Variants in AGPS observed in about 807,000 individuals in gnomAD.
AGPS encodes alkylglycerone phosphate synthase.
In AGPS, 26 loss-of-function variants were observed where a neutral mutation model predicts 90.7. That is an observed-to-expected ratio of 0.29 (90% CI 0.21 to 0.40). The LOEUF (loss-of-function observed/expected upper bound fraction) is 0.40, where lower values mean the gene tolerates loss of function less well. Ranked by LOEUF, AGPS falls within the 10% of genes least tolerant of loss-of-function variation. The pLI, the probability that AGPS is intolerant of heterozygous loss-of-function variation, is 1.00. For missense variants in AGPS, 540 were observed against 816.1 expected (o/e 0.66, Z 4.12); for synonymous variants, 294 against 285.3 (o/e 1.03, Z -0.31).
At chr2:177,415,269 C>T (rs1050253510) in intron 1 of AGPS, among the ~76,000 whole-genome samples, 1 of 152,128 alleles carries the variant, frequency 6.6e-6, no homozygotes, top group African/African-American at 2.4e-5. Context: ...AATGTGTTCC[C>T]TTATGGAATT....
At chr2:177,523,616 A>C in intron 18 of AGPS, 132 bp from the exon 19 acceptor site, 1 of 759,544 alleles carries the variant, frequency 1.3e-6, no homozygotes, top group Non-Finnish European at 2.3e-6. Flanking sequence ...TGACCAAAAG[A>C]GAGGAAAGTT....
intron 9 of AGPS, among the ~76,000 whole-genome samples, chr2:177,464,415 G>GTC (rs1038591793): frequency 9.2e-5 from 14 of 152,058 alleles, no homozygotes; most frequent in Non-Finnish European, 1.8e-4. Flanking sequence ...AATATATTTC[G>GTC]TAACATTAGT....
At position 177,521,285 on chromosome 2, in the gene AGPS, G is replaced by A; in HGVS notation, c.1714G>A (p.Asp572Asn). 1.2e-6 allele frequency: 2 copies of A among 1,614,068 alleles called. No homozygotes were observed. Among genetic ancestry groups the A allele is most frequent in the Non-Finnish European group, 1.7e-6 (2 of 1,179,946 alleles). The change falls in exon 18 of 20, where the codon GAT becomes AAT. Residue 572 changes from aspartate (D) to asparagine (N), a missense_variant. This residue lies in a region of AGPS where 405 missense variants were observed against 692.1 expected (regional missense o/e 0.59). Coordinates refer to ENST00000264167, the MANE Select transcript of AGPS (RefSeq NM_003659.4). ...GTTTTTTAGGGTGACGCAGACTTAC[G>A]ATGCAGGTGCTTGTATCTACTTCTA... ...FSTCRVTQTY[D>N]AGACIYFYFA...
intron 10 of AGPS, among the ~76,000 whole-genome samples, chr2:177,468,889 C>T (rs1687532698): frequency 6.6e-6 from 1 of 151,956 alleles, no homozygotes; most frequent in Non-Finnish European, 1.5e-5. Flanking sequence ...AAAGCATTAT[C>T]TTATTGTCTT....
At chr2:177,437,639 C>T (rs1318813343) in intron 5 of AGPS, among the ~76,000 whole-genome samples, 3 of 152,102 alleles carry the variant, frequency 2.0e-5, no homozygotes, top group Non-Finnish European at 2.9e-5. Flanking sequence ...TCTCTTTTAG[C>T]AGGTAATTTA....
At chr2:177,424,924 G>A (rs559934871) in intron 2 of AGPS, among the ~76,000 whole-genome samples, 25 of 152,114 alleles carry the variant, frequency 1.6e-4, no homozygotes, top group African/African-American at 5.8e-4. Context: ...TTTTAATGGG[G>A]TTGGTTTTTT....
chr2:177,452,533 A>T (rs992315605), intron 8 of AGPS, among the ~76,000 whole-genome samples: 1 of 151,872 alleles, frequency 6.6e-6, no homozygotes, highest in Non-Finnish European at 1.5e-5. Flanking sequence ...TGCTTTTTCC[A>T]TTATTTTACT....
chr2:177,392,791 T>TGGCGGA lies in AGPS; in HGVS notation c.8_13dup (p.Glu3_Ala4dup). 12 of 1,495,394 alleles carry TGGCGGA rather than the reference T, an allele frequency of 8.0e-6. No individual in the cohort carries two copies. Among genetic ancestry groups the TGGCGGA allele is most frequent in the East Asian group, 2.5e-5 (1 of 39,382 alleles). The allele number at this position is 1,495,394 out of a possible 1,614,324, so 92.6% of individuals were successfully genotyped here. On this transcript the variant is annotated inframe_insertion, in exon 1 of 20. Transcript: ENST00000264167. ...GGGCGGCAGCACAAGGCGGTAGCCA[T>TGGCGGA]GGCGGAGGCGGCGGCTGCAGCGGGT...
chr2:177,407,117 T>C (rs991968426), intron 1 of AGPS, among the ~76,000 whole-genome samples: 4 of 152,182 alleles, frequency 2.6e-5, no homozygotes, highest in African/African-American at 9.7e-5. Context: ...GACAAGTTAC[T>C]GAATCTTTCT....
At chr2:177,469,521 A>G (rs974906053) in intron 10 of AGPS, among the ~76,000 whole-genome samples, 4 of 152,166 alleles carry the variant, frequency 2.6e-5, no homozygotes, top group African/African-American at 9.7e-5. Context: ...TTGTCAAGAT[A>G]TCTCACCAGT....
chr2:177,417,514 A>G (rs1466717519), intron 1 of AGPS, among the ~76,000 whole-genome samples: 2 of 152,222 alleles, frequency 1.3e-5, no homozygotes, highest in African/African-American at 4.8e-5. Flanking sequence ...ATTGATGTAA[A>G]TCAAAAAATG....
intron 19 of AGPS, among the ~76,000 whole-genome samples, chr2:177,528,741 C>T (rs1307296389): frequency 2.0e-5 from 3 of 151,842 alleles, no homozygotes; most frequent in African/African-American, 4.8e-5. Flanking sequence ...ATCATAAATG[C>T]TCAATGAATA....
chr2:177,411,746 T>C (rs1685627262), intron 1 of AGPS, among the ~76,000 whole-genome samples: 1 of 152,226 alleles, frequency 6.6e-6, no homozygotes, highest in African/African-American at 2.4e-5. Context: ...TTTGTCTCTC[T>C]CTCTCTGTCT....
At chr2:177,438,721 A>G (rs1478907780) in intron 5 of AGPS, among the ~76,000 whole-genome samples, 2 of 152,172 alleles carry the variant, frequency 1.3e-5, no homozygotes, top group African/African-American at 2.4e-5. Flanking sequence ...CCATACTTCA[A>G]GAATCTGTAT....
chr2:177,463,718 A>G (rs946493144), intron 9 of AGPS, among the ~76,000 whole-genome samples: 1 of 152,096 alleles, frequency 6.6e-6, no homozygotes, highest in Non-Finnish European at 1.5e-5. Flanking sequence ...AAATAACCTA[A>G]ATTCAGTTTT....
At chr2:177,521,805 TG>T (rs1275918946) in intron 18 of AGPS, among the ~76,000 whole-genome samples, 1 of 152,220 alleles carries the variant, frequency 6.6e-6, no homozygotes, top group Non-Finnish European at 1.5e-5. Context: ...GTGGGTGCTT[TG>T]GGTTCATTAG....
intron 8 of AGPS, among the ~76,000 whole-genome samples, chr2:177,446,592 T>C (rs1203953122): frequency 1.3e-5 from 2 of 152,150 alleles, no homozygotes; most frequent in Admixed American, 1.3e-4. Context: ...AGAGTTCAGA[T>C]CATAAAGGGC....
intron 2 of AGPS, among the ~76,000 whole-genome samples, chr2:177,428,895 A>T (rs1307329418): frequency 6.6e-6 from 1 of 152,092 alleles, no homozygotes. Context: ...CCTGGATTAT[A>T]TTCTGAAGTA....
intron 10 of AGPS, 141 bp downstream of exon 10, chr2:177,468,665 A>C: frequency 3.1e-6 from 2 of 636,466 alleles, no homozygotes; most frequent in Non-Finnish European, 5.4e-6. Context: ...TCATTTTAAG[A>C]CTATAAAGTT....
Sources: allele counts gnomAD v4.1 joint callset (sites outside exome capture counted in the v4.1 genomes callset), GRCh38; gene constraint gnomAD v4.1.1; regional missense constraint gnomAD v4.1.1; transcripts MANE v1.5; gene names NCBI Gene and HGNC (gene_info 2026-07-23, HGNC 2026-07-21).